Variants in COLEC11 observed in about 807,000 individuals in gnomAD.
COLEC11 encodes the protein collectin-11.
In COLEC11, 20 loss-of-function variants were observed where a neutral mutation model predicts 27.3. That is an observed-to-expected ratio of 0.73 (90% confidence interval 0.51 to 1.06). COLEC11 has a LOEUF of 1.06. Among genes scored for constraint, COLEC11 ranks in the 50% least tolerant of loss-of-function variants. The pLI, the probability that COLEC11 is intolerant of heterozygous loss-of-function variation, is 0.00. For missense variants in COLEC11, 310 were observed against 383.0 expected (o/e 0.81, Z 1.59); for synonymous variants, 163 against 154.7 (o/e 1.05, Z -0.40).
At chr2:3,617,083 C>T (rs1455859067) in intron 3 of COLEC11, among the ~76,000 whole-genome samples, 1 of 151,854 alleles carries the variant, frequency 6.6e-6, no homozygotes, top group East Asian at 1.9e-4. Context: ...GGCTATGGAC[C>T]CAGTAGTGAC....
intron 3 of COLEC11, among the ~76,000 whole-genome samples, chr2:3,626,408 C>T (rs190996506): frequency 1.1e-3 from 168 of 152,236 alleles, no homozygotes; most frequent in Middle Eastern, 6.8e-3. Context: ...CCCCCTTTTT[C>T]TGTACCTGTA....
intron 5 of COLEC11, among the ~76,000 whole-genome samples, chr2:3,643,022 C>T (rs1288489379): frequency 1.3e-5 from 2 of 152,230 alleles, no homozygotes; most frequent in African/African-American, 2.4e-5. Flanking sequence ...TCCTGACAGA[C>T]GCCACTGCGC....
chr2:3,606,327 G>A (rs1435743881), intron 2 of COLEC11: 2 of 1,220,630 alleles, frequency 1.6e-6, no homozygotes, highest in East Asian at 2.5e-5. Context: ...CTGTTGGGAG[G>A]GTCCTTCCCA....
chr2:3,611,367 G>A (rs1017729336), intron 2 of COLEC11, among the ~76,000 whole-genome samples: 5 of 152,212 alleles, frequency 3.3e-5, no homozygotes, highest in Non-Finnish European at 7.3e-5. Context: ...GCAGTGTGCT[G>A]TTGTTCCCGG....
intron 3 of COLEC11, among the ~76,000 whole-genome samples, chr2:3,617,932 C>T (rs1248207091): frequency 6.6e-6 from 1 of 152,204 alleles, no homozygotes; most frequent in Admixed American, 6.5e-5. Flanking sequence ...TTTCTATTTT[C>T]TTGATAATTG....
intron 2 of COLEC11, chr2:3,606,337 A>G: frequency 9.1e-7 from 1 of 1,096,788 alleles, no homozygotes; most frequent in Non-Finnish European, 1.3e-6. Flanking sequence ...GGTCCTTCCC[A>G]GCTGTCCACG....
intron 1 of COLEC11, among the ~76,000 whole-genome samples, chr2:3,595,493 C>G (rs1413810079): frequency 6.6e-6 from 1 of 152,234 alleles, no homozygotes; most frequent in African/African-American, 2.4e-5. Context: ...ACAGTCTTCG[C>G]TAATTCCAAA....
At chr2:3,643,617 G>A (rs1196843797) in intron 6 of COLEC11, 78 bp downstream of exon 6, 86 of 1,597,144 alleles carry the variant, frequency 5.4e-5, no homozygotes, top group Admixed American at 1.3e-4. Context: ...GGGCTCTGCC[G>A]TGCCCACGCC....
intron 3 of COLEC11, among the ~76,000 whole-genome samples, chr2:3,623,772 ATTATT>A: frequency 6.6e-6 from 1 of 152,022 alleles, no homozygotes; most frequent in East Asian, 1.9e-4. Flanking sequence ...CCTTAAAATG[ATTATT>A]TTGAGTTCTT....
intron 3 of COLEC11, chr2:3,626,220 C>T: frequency 4.6e-6 from 4 of 861,222 alleles, no homozygotes; most frequent in East Asian, 2.4e-5. Context: ...TCTAGATGGA[C>T]GTGGTTTGCT....
intron 3 of COLEC11, among the ~76,000 whole-genome samples, chr2:3,623,578 G>T (rs1453074621): frequency 6.6e-6 from 1 of 151,372 alleles, no homozygotes; most frequent in Non-Finnish European, 1.5e-5. Flanking sequence ...GATCAATTCT[G>T]CTCTTGATGC....
At chr2:3,642,175 G>A (rs1323389271) in intron 5 of COLEC11, among the ~76,000 whole-genome samples, 1 of 152,192 alleles carries the variant, frequency 6.6e-6, no homozygotes, top group African/African-American at 2.4e-5. Flanking sequence ...GGCATCAGAG[G>A]GACTTCCCGC....
intron 1 of COLEC11, among the ~76,000 whole-genome samples, chr2:3,598,671 G>A (rs999502794): frequency 2.0e-5 from 3 of 152,160 alleles, no homozygotes; most frequent in African/African-American, 7.2e-5. Flanking sequence ...TGTGGGCACA[G>A]GCAGCGGGTG....
intron 3 of COLEC11, among the ~76,000 whole-genome samples, chr2:3,623,826 G>T (rs1195860758): frequency 6.7e-6 from 1 of 150,248 alleles, no homozygotes; most frequent in Non-Finnish European, 1.5e-5. Flanking sequence ...TTTGGGATTG[G>T]TTTACTAGAG....
chr2:3,618,950 A>C (rs1663980884), intron 3 of COLEC11, among the ~76,000 whole-genome samples: 1 of 151,920 alleles, frequency 6.6e-6, no homozygotes, highest in South Asian at 2.1e-4. Flanking sequence ...TGTTTCCTTA[A>C]TTTTTTTCAG....
At chr2:3,608,620 T>A (rs369524915) in intron 2 of COLEC11, among the ~76,000 whole-genome samples, 3 of 152,222 alleles carry the variant, frequency 2.0e-5, no homozygotes, top group East Asian at 3.9e-4. Flanking sequence ...CCCAGGAGTT[T>A]GAGTCTACCC....
chr2:3,633,661 G>C (rs1665176972), intron 3 of COLEC11, among the ~76,000 whole-genome samples: 1 of 152,188 alleles, frequency 6.6e-6, no homozygotes, highest in Non-Finnish European at 1.5e-5. Flanking sequence ...AGACGTGGAG[G>C]GGGAAATAAG....
intron 1 of COLEC11, chr2:3,603,372 A>C: frequency 2.4e-6 from 1 of 409,836 alleles, no homozygotes; most frequent in Non-Finnish European, 4.5e-6. Flanking sequence ...GCTGGAGTGT[A>C]GTGGCGTGAT....
chr2:3,634,668 G>A (rs1179306697), intron 3 of COLEC11, among the ~76,000 whole-genome samples: 1 of 151,586 alleles, frequency 6.6e-6, no homozygotes, highest in African/African-American at 2.4e-5. Context: ...CAGCAGGAAC[G>A]GGTACCTGGC....
Sources: gnomAD v4.1 joint callset for allele counts (sites outside exome capture counted in the v4.1 genomes callset) on GRCh38, gnomAD v4.1.1 for gene constraint, MANE v1.5 for transcripts, NCBI Gene and HGNC (gene_info 2026-07-23, HGNC 2026-07-21) for gene names.